The following SAMD12 variants were observed in gnomAD, a reference collection of about 807,000 sequenced individuals.
SAMD12 encodes sterile alpha motif domain-containing protein 12.
In SAMD12, 9 loss-of-function variants were observed where a neutral mutation model predicts 15.0. That is an observed-to-expected ratio of 0.60 (90% CI 0.36 to 1.05). SAMD12 has a LOEUF of 1.05. Ranked by LOEUF, SAMD12 falls within the 50% of genes least tolerant of loss-of-function variation. The pLI, the probability that SAMD12 is intolerant of heterozygous loss-of-function variation, is 0.01. For synonymous variants in SAMD12, 86 were observed against 90.1 expected (o/e 0.96, Z 0.25); for missense variants, 230 against 234.2 (o/e 0.98, Z 0.12).
intron 3 of SAMD12, among the ~76,000 whole-genome samples, chr8:118,410,043 G>A (rs1346141642): frequency 6.7e-6 from 1 of 148,766 alleles, no homozygotes; most frequent in East Asian, 1.9e-4. Flanking sequence ...ATCACAATTT[G>A]CAAGATATTT....
chr8:118,531,189 C>T (rs367797080), intron 2 of SAMD12, among the ~76,000 whole-genome samples: 3 of 152,134 alleles, frequency 2.0e-5, no homozygotes, highest in East Asian at 1.9e-4. Context: ...ATAGGGAATC[C>T]TTTCCCCATT....
At chr8:118,268,978 C>T (rs185265390) in intron 4 of SAMD12, among the ~76,000 whole-genome samples, 101 of 152,122 alleles carry the variant, frequency 6.6e-4, no homozygotes, top group South Asian at 6.4e-3. Flanking sequence ...CGAGTGTGAG[C>T]GTGGTAGTCT....
At chr8:118,162,478 T>C in the SAMD12 span, among the ~76,000 whole-genome samples, 1 of 151,756 alleles carries the variant, frequency 6.6e-6, no homozygotes. Flanking sequence ...TTTTTATAAA[T>C]GAGAAGAGGG....
rs537002638 is a variant in SAMD12, at chr8:118,621,561, G to C, written c.13+243C>G. The stretch of plus-strand genomic sequence containing the variant: ...ATATCGTTTCGCATCAGGGACACTC[G>C]TCTCCACACCTCCTACCTCAAAGTC... On this transcript the variant is annotated intron_variant, in intron 1 of 3. Coordinates refer to ENST00000314727, the MANE Select transcript of SAMD12 (RefSeq NM_207506.3). The C allele has an allele frequency of 1.3e-5, 7 of 551,150 alleles. 1 individual carries two copies. Among genetic ancestry groups the C allele is most frequent in the Middle Eastern group, 9.6e-4 (2 of 2,074 alleles). The allele number at this position is 551,150 out of a possible 1,614,324, so 34.1% of individuals were successfully genotyped here. A position where few individuals can be genotyped will look rare whatever the true frequency, so the allele number is the denominator to read the frequency against.
chr8:118,420,572 G>A (rs1821950117), intron 3 of SAMD12, among the ~76,000 whole-genome samples: 1 of 152,058 alleles, frequency 6.6e-6, no homozygotes, highest in African/African-American at 2.4e-5. Flanking sequence ...ACCCCTTTAA[G>A]GTATGATGCC....
intron 4 of SAMD12, among the ~76,000 whole-genome samples, chr8:118,361,265 A>G (rs1254821709): frequency 6.6e-6 from 1 of 152,114 alleles, no homozygotes; most frequent in Non-Finnish European, 1.5e-5. Flanking sequence ...TTAATTCACT[A>G]ATTTGCTCAT....
chr8:118,337,395 T>C (rs1276019651), intron 4 of SAMD12, among the ~76,000 whole-genome samples: 1 of 152,176 alleles, frequency 6.6e-6, no homozygotes, highest in African/African-American at 2.4e-5. Flanking sequence ...CCAAGCATGC[T>C]ATCTTGTCAT....
At chr8:118,425,825 C>T (rs986528533) in intron 3 of SAMD12, among the ~76,000 whole-genome samples, 1 of 152,194 alleles carries the variant, frequency 6.6e-6, no homozygotes, top group African/African-American at 2.4e-5. Context: ...AAAACACACT[C>T]ATGAAAAGAG....
chr8:118,278,258 C>CCCATGTAG (rs1294022876), intron 4 of SAMD12, among the ~76,000 whole-genome samples: 1 of 152,180 alleles, frequency 6.6e-6, no homozygotes, highest in Non-Finnish European at 1.5e-5. Flanking sequence ...TATGCAAGAG[C>CCCATGTAG]CCATGTAGCC....
chr8:118,532,462 TAG>T (rs1295679386), intron 2 of SAMD12, among the ~76,000 whole-genome samples: 2 of 152,206 alleles, frequency 1.3e-5, no homozygotes. Flanking sequence ...CAAAATGAGT[TAG>T]GGAGGATTCC....
At chr8:118,488,080 A>G (rs1824337856) in intron 2 of SAMD12, among the ~76,000 whole-genome samples, 1 of 151,556 alleles carries the variant, frequency 6.6e-6, no homozygotes, top group Admixed American at 6.6e-5. Context: ...CAGTTAGTAC[A>G]GGAATAAAAA....
chr8:118,224,032 GA>G (rs1394048712), intron 4 of SAMD12, among the ~76,000 whole-genome samples: 2 of 152,146 alleles, frequency 1.3e-5, no homozygotes, highest in African/African-American at 2.4e-5. Context: ...GAATAGAACA[GA>G]AAAAAGTAAT....
intron 2 of SAMD12, among the ~76,000 whole-genome samples, chr8:118,504,886 A>G (rs907749850): frequency 1.3e-5 from 2 of 152,222 alleles, no homozygotes; most frequent in African/African-American, 4.8e-5. Flanking sequence ...TAGAAGGTCC[A>G]GCCACAAGCA....
chr8:118,471,564 C>T (rs1229915782), intron 2 of SAMD12, among the ~76,000 whole-genome samples: 1 of 152,088 alleles, frequency 6.6e-6, no homozygotes, highest in Non-Finnish European at 1.5e-5. Flanking sequence ...CTTTGCAAAG[C>T]CAAAATTAGA....
chr8:118,380,272 T>C (rs1281873775), intron 3 of SAMD12, among the ~76,000 whole-genome samples: 1 of 152,180 alleles, frequency 6.6e-6, no homozygotes, highest in Non-Finnish European at 1.5e-5. Context: ...GGGCTGGAGG[T>C]TCCATCTCTA....
intron 2 of SAMD12, among the ~76,000 whole-genome samples, chr8:118,504,124 T>C (rs774706875): frequency 4.6e-5 from 7 of 152,132 alleles, no homozygotes; most frequent in Non-Finnish European, 1.0e-4. Flanking sequence ...ATTATGAAAT[T>C]CATATTCACT....
At chr8:118,330,262 G>C (rs1393160484) in intron 4 of SAMD12, among the ~76,000 whole-genome samples, 4 of 152,218 alleles carry the variant, frequency 2.6e-5, no homozygotes, top group Non-Finnish European at 1.5e-5. Context: ...CTTGATGCAA[G>C]AGTTCCTGGA....
intron 4 of SAMD12, among the ~76,000 whole-genome samples, chr8:118,283,112 T>C (rs1035540553): frequency 1.3e-4 from 19 of 148,380 alleles, no homozygotes; most frequent in Non-Finnish European, 2.1e-4. Flanking sequence ...ACATAGTACT[T>C]CTCTGGTACT....
Position 118,566,668 on chromosome 8 carries a change from G to C in SAMD12, c.192+14047C>G, listed in dbSNP as rs1826860973. Among the ~76,000 whole-genome samples, 3 of 152,134 alleles carry C rather than the reference G, an allele frequency of 2.0e-5. No individual in the cohort carries two copies. The South Asian group carries it at 6.2e-4, about 32-fold the overall frequency. On this transcript the variant is annotated intron_variant, in intron 2 of 3. Coordinates refer to ENST00000314727, the MANE Select transcript of SAMD12 (RefSeq NM_207506.3). ...AAACGAAACTGCCCATAGAAGCTTA[G>C]AAAGAAACATGAGTGAAGAGCACTA...
Sources: allele counts gnomAD v4.1 joint callset (sites outside exome capture counted in the v4.1 genomes callset), GRCh38; gene constraint gnomAD v4.1.1; transcripts MANE v1.5; gene names NCBI Gene and HGNC (gene_info 2026-07-23, HGNC 2026-07-21).